PDZD2: variants seen among roughly 807,000 people sequenced by gnomAD.
PDZD2 encodes PDZ domain-containing protein 2.
A neutral mutation model predicts 220.7 loss-of-function variants in PDZD2; 90 were observed. The observed-to-expected ratio is 0.41, with a 90% CI of 0.34 to 0.49. PDZD2 has a LOEUF of 0.49. Ranked by LOEUF, PDZD2 falls within the 20% of genes least tolerant of loss-of-function variation. The probability of loss-of-function intolerance (pLI) is 0.28; values close to 1 mark genes in which losing one functional copy is unlikely to be tolerated. For missense variants in PDZD2, 3,174 were observed against 3,608.5 expected, an observed-to-expected ratio of 0.88 and a Z score of 3.08; for synonymous variants, 1,375 against 1,450.5, an observed-to-expected ratio of 0.95 and a Z score of 1.18.
chr5:32,038,829 A>G (rs1755773281), intron 7 of PDZD2, among the ~76,000 whole-genome samples: 1 of 152,148 alleles, frequency 6.6e-6, no homozygotes, highest in Non-Finnish European at 1.5e-5. Flanking sequence ...ACTGTAGGCT[A>G]ATGATTTAAT....
chr5:31,796,135 A>G (rs1375159261), intron 1 of PDZD2, among the ~76,000 whole-genome samples: 1 of 151,980 alleles, frequency 6.6e-6, no homozygotes, highest in Non-Finnish European at 1.5e-5. Context: ...GTAATTAACA[A>G]CTCGAGTTGC....
intron 2 of PDZD2, among the ~76,000 whole-genome samples, chr5:31,920,502 T>G (rs1309187193): frequency 1.8e-5 from 1 of 55,778 alleles, no homozygotes; most frequent in Non-Finnish European, 2.9e-5. Context: ...TGGTGTTATA[T>G]ATTTAAAAAA....
At chr5:31,844,595 A>G (rs1309570973) in intron 2 of PDZD2, among the ~76,000 whole-genome samples, 1 of 152,172 alleles carries the variant, frequency 6.6e-6, no homozygotes, top group African/African-American at 2.4e-5. Context: ...CTTAGAGTAA[A>G]ATAATTACTC....
Position 32,061,036 on chromosome 5 carries a change from A to G in PDZD2, c.2353A>G (p.Asn785Asp). 1.9e-6 allele frequency: 3 copies of G among 1,614,156 alleles called. No individual in the cohort carries two copies. The highest frequency in any genetic ancestry group is 2.5e-6 in the Non-Finnish European group (3 of 1,179,984). The change falls in exon 14 of 25, where the codon AAC becomes GAC. Residue 785 changes from asparagine to aspartate, a missense_variant. By Grantham distance (23) the Asn-to-Asp change is conservative. This residue lies in a region of PDZD2 where 1,861 missense variants were observed against 2,001.0 expected (regional missense o/e 0.93). Transcript: ENST00000438447. ...GDQILEVNSV[N>D]VRHAALSKVH... ...TCAAATCCTGGAAGTGAACTCCGTC[A>G]ACGTCCGCCATGCTGCTTTAAGCAA...
intron 1 of PDZD2, among the ~76,000 whole-genome samples, chr5:31,688,325 G>A (rs1746958222): frequency 6.6e-6 from 1 of 152,170 alleles, no homozygotes; most frequent in African/African-American, 2.4e-5. Flanking sequence ...AAAGGCCCTG[G>A]TGAGACTAAC....
chr5:32,003,884 G>T (rs531679921), intron 5 of PDZD2, among the ~76,000 whole-genome samples: 5 of 151,894 alleles, frequency 3.3e-5, no homozygotes, highest in Admixed American at 6.6e-5. Flanking sequence ...GCTAATTTTC[G>T]TACTTTTAGT....
intron 2 of PDZD2, among the ~76,000 whole-genome samples, chr5:31,845,756 G>GT (rs1470595340): frequency 2.0e-5 from 3 of 152,154 alleles, no homozygotes; most frequent in Non-Finnish European, 2.9e-5. Flanking sequence ...TGTAAAATGG[G>GT]TTGCTGTAAT....
chr5:31,734,974 C>T (rs1749763510), intron 1 of PDZD2, among the ~76,000 whole-genome samples: 1 of 152,106 alleles, frequency 6.6e-6, no homozygotes, highest in Non-Finnish European at 1.5e-5. Flanking sequence ...TCAGTAAATT[C>T]CTTTGTCTGT....
At chr5:31,700,194 C>T (rs1747555498) in intron 1 of PDZD2, among the ~76,000 whole-genome samples, 1 of 151,948 alleles carries the variant, frequency 6.6e-6, no homozygotes, top group Non-Finnish European at 1.5e-5. Flanking sequence ...GATGAGAAGG[C>T]AAGTTAGGCC....
intron 14 of PDZD2, 98 bp from the exon 15 acceptor site, chr5:32,069,471 C>G (rs956002180): frequency 1.4e-6 from 1 of 736,976 alleles, no homozygotes; most frequent in African/African-American, 1.7e-5. Context: ...TGGTTTGCCT[C>G]TTTATCTGCA....
At chr5:32,039,598 G>A (rs1215064774) in intron 7 of PDZD2, among the ~76,000 whole-genome samples, 19 of 151,076 alleles carry the variant, frequency 1.3e-4, no homozygotes, top group Admixed American at 8.6e-4. Context: ...CCCTCTGCCC[G>A]GCCACCCCGT....
chr5:31,749,644 G>A (rs965944155), intron 1 of PDZD2, among the ~76,000 whole-genome samples: 2 of 152,094 alleles, frequency 1.3e-5, no homozygotes, highest in African/African-American at 2.4e-5. Flanking sequence ...GGCTGGTCTC[G>A]AACTCCTGAC....
chr5:31,991,612 T>A (rs1018382113), intron 3 of PDZD2, among the ~76,000 whole-genome samples: 2 of 152,248 alleles, frequency 1.3e-5, no homozygotes, highest in African/African-American at 4.8e-5. Context: ...GTTGGAAATA[T>A]CCTTAATATC....
intron 2 of PDZD2, among the ~76,000 whole-genome samples, chr5:31,918,223 G>A (rs1004765430): frequency 5.3e-5 from 8 of 152,128 alleles, no homozygotes; most frequent in Admixed American, 2.0e-4. Context: ...TCCAACAATG[G>A]GGATTAAAAT....
At chr5:32,052,979 CAT>C (rs1491412447) in intron 9 of PDZD2, among the ~76,000 whole-genome samples, 4 of 152,096 alleles carry the variant, frequency 2.6e-5, no homozygotes, top group Non-Finnish European at 5.9e-5. Context: ...CCCAGCCACA[CAT>C]GTTCTTTAAA....
chr5:32,032,978 C>A (rs1755241175), intron 6 of PDZD2, among the ~76,000 whole-genome samples: 2 of 152,122 alleles, frequency 1.3e-5, no homozygotes, highest in South Asian at 4.1e-4. Context: ...GAAGGCTCTA[C>A]CATGGAAATT....
rs942804771 is a variant in PDZD2 at position 32,108,302 on chromosome 5, G to A, written c.*167G>A. ...GCCTGACTTAACTGTATGTGCAACA[G>A]CAATGAAATTAACTCCAGAAGCCTT... On this transcript the variant is annotated 3_prime_UTR_variant, in exon 25 of 25. Transcript: ENST00000438447. The A allele has an allele frequency of 4.2e-5, 20 of 472,288 alleles. No individual in the cohort carries two copies. The highest frequency in any genetic ancestry group is 7.0e-5 in the Non-Finnish European group (19 of 271,666). 29.3% of individuals were successfully genotyped at this position (472,288 alleles called of 1,614,324 possible).
chr5:31,704,858 A>G (rs1747745232), intron 1 of PDZD2, among the ~76,000 whole-genome samples: 1 of 152,150 alleles, frequency 6.6e-6, no homozygotes, highest in Admixed American at 6.5e-5. Context: ...CCTGGATTAT[A>G]TTGTGCAAAT....
At chr5:31,689,301 A>G in intron 1 of PDZD2, among the ~76,000 whole-genome samples, 1 of 129,380 alleles carries the variant, frequency 7.7e-6, no homozygotes, top group Non-Finnish European at 1.6e-5. Flanking sequence ...ATATACATAT[A>G]CACATACATA....
Sources: gnomAD v4.1 joint callset for allele counts (sites outside exome capture counted in the v4.1 genomes callset) on GRCh38, gnomAD v4.1.1 for gene constraint, gnomAD v4.1.1 regional missense constraint, MANE v1.5 for transcripts, NCBI Gene and HGNC (gene_info 2026-07-23, HGNC 2026-07-21) for gene names.